The following CPNE4 variants were observed in gnomAD, a reference collection of about 807,000 sequenced individuals.
CPNE4 encodes the protein copine-4.
In CPNE4, 25 loss-of-function variants were observed where a neutral mutation model predicts 67.9. The ratio of observed to expected loss-of-function variants is 0.37; its 90% confidence interval spans 0.27 to 0.51. The LOEUF (loss-of-function observed/expected upper bound fraction) is 0.51, where lower values mean the gene tolerates loss of function less well. Ranked by LOEUF, CPNE4 falls within the 20% of genes least tolerant of loss-of-function variation. The probability of loss-of-function intolerance (pLI) is 0.93; values close to 1 mark genes in which losing one functional copy is unlikely to be tolerated. For missense variants in CPNE4, 464 were observed against 690.8 expected (o/e 0.67, Z 3.68); for synonymous variants, 242 against 244.9 (o/e 0.99, Z 0.11).
chr3:131,863,037 C>T (rs924103711), intron 2 of CPNE4, among the ~76,000 whole-genome samples: 9 of 151,738 alleles, frequency 5.9e-5, no homozygotes, highest in Non-Finnish European at 1.0e-4. Context: ...AAGACATGAA[C>T]TCATCATTTT....
intron 1 of CPNE4, among the ~76,000 whole-genome samples, chr3:131,908,064 C>T (rs2088838361): frequency 6.6e-6 from 1 of 152,106 alleles, no homozygotes; most frequent in African/African-American, 2.4e-5. Context: ...TTCTATCAGC[C>T]AGCCCAAAGC....
At chr3:131,583,139 A>G (rs886883875) in intron 8 of CPNE4, among the ~76,000 whole-genome samples, 1 of 152,172 alleles carries the variant, frequency 6.6e-6, no homozygotes, top group Non-Finnish European at 1.5e-5. Flanking sequence ...AGAAAGAAGA[A>G]AACATTCAAA....
intron 14 of CPNE4, 93 bp from the exon 15 acceptor site, chr3:131,542,886 C>T: frequency 4.8e-6 from 4 of 839,878 alleles, no homozygotes; most frequent in South Asian, 4.7e-5. Flanking sequence ...GGTGGCCTCA[C>T]TGCACATTGA....
intron 2 of CPNE4, among the ~76,000 whole-genome samples, chr3:131,807,894 T>G (rs930282935): frequency 2.0e-5 from 3 of 152,148 alleles, no homozygotes. Flanking sequence ...TGGTACATAA[T>G]AGAAGATATT....
At chr3:131,685,714 G>C (rs948249173) in intron 6 of CPNE4, among the ~76,000 whole-genome samples, 161 bp downstream of exon 6, 1 of 152,112 alleles carries the variant, frequency 6.6e-6, no homozygotes, top group Admixed American at 6.5e-5. Flanking sequence ...CTGGGAGGTG[G>C]CGGTTGCAGT....
At chr3:131,864,967 T>G (rs1487333169) in intron 2 of CPNE4, among the ~76,000 whole-genome samples, 2 of 152,172 alleles carry the variant, frequency 1.3e-5, no homozygotes, top group Non-Finnish European at 2.9e-5. Flanking sequence ...GAGATAATCG[T>G]GGTTTTCGTC....
intron 5 of CPNE4, among the ~76,000 whole-genome samples, chr3:131,689,175 T>C (rs1210974658): frequency 6.6e-6 from 1 of 152,166 alleles, no homozygotes; most frequent in Admixed American, 6.5e-5. Flanking sequence ...GGACAAAATA[T>C]TTAATTTCTC....
At chr3:131,691,816 G>T (rs1324241321) in intron 5 of CPNE4, among the ~76,000 whole-genome samples, 1 of 152,102 alleles carries the variant, frequency 6.6e-6, no homozygotes, top group African/African-American at 2.4e-5. Context: ...TATTAAGAAG[G>T]CATCTGATTC....
In CPNE4 at chr3:131,955,917, A is replaced by C. The variant is rs568651929; in HGVS notation, c.-1-50473T>G. Among the ~76,000 whole-genome samples, 22 of 152,250 alleles carry C rather than the reference A, an allele frequency of 1.4e-4. 1 individual carries two copies. The highest frequency in any genetic ancestry group is 4.1e-4 in the African/African-American group (17 of 41,566). On this transcript the variant is annotated intron_variant, in intron 1 of 15. Transcript: ENST00000429747. ...ATCTGTGCATCAGGCTCTGCTTTCCAGCAGATGCAGCCTAGGATACTCAGG... is the reference window on the plus strand; with the variant it reads ...ATCTGTGCATCAGGCTCTGCTTTCCCGCAGATGCAGCCTAGGATACTCAGG...
rs527818294 is a variant in CPNE4, at chr3:131,843,812, C to T, written c.180+61452G>A. 2.0e-5 allele frequency among the ~76,000 whole-genome samples: 3 copies of T among 152,270 alleles called. No individual in the cohort carries two copies. In the South Asian group the frequency reaches 6.2e-4, roughly 32 times the overall value. ...ACTCTAGGGGCCTTGTCCCCTTTAT[C>T]GGTGGGTCAAAATGTGCCCCTCTGT... On this transcript the variant is annotated intron_variant, in intron 2 of 15. Coordinates refer to ENST00000429747, the MANE Select transcript of CPNE4 (RefSeq NM_130808.3).
At chr3:131,566,219 T>C (rs574628157) in intron 10 of CPNE4, among the ~76,000 whole-genome samples, 1 of 151,982 alleles carries the variant, frequency 6.6e-6, no homozygotes, top group African/African-American at 2.4e-5. Flanking sequence ...ACCATGGCAA[T>C]TTGGGGAAGA....
At chr3:131,708,253 A>C (rs2081462348) in intron 3 of CPNE4, among the ~76,000 whole-genome samples, 2 of 152,086 alleles carry the variant, frequency 1.3e-5, no homozygotes, top group Admixed American at 1.3e-4. Flanking sequence ...TCCTGGGAAG[A>C]AGAAGGAGCT....
rs528827082 is a variant in CPNE4, at chr3:131,635,850, G to A, written c.681+33825C>T. ...TACTGCAGGCACTTTGGGAGGCCGA[G>A]GCGGGCGGATCACGAGGTCAGGAGA... On this transcript the variant is annotated intron_variant, in intron 7 of 15. Coordinates refer to ENST00000429747, the MANE Select transcript of CPNE4 (RefSeq NM_130808.3). Among the ~76,000 whole-genome samples, 3 of 83,830 alleles carry A rather than the reference G, an allele frequency of 3.6e-5. 1 individual carries two copies. The East Asian group carries it at 9.6e-4, about 27-fold the overall frequency. The allele number at this position is 83,830 out of a possible 152,430, so 55.0% of individuals were successfully genotyped here.
intron 2 of CPNE4, among the ~76,000 whole-genome samples, chr3:131,752,328 A>G (rs929430137): frequency 2.0e-5 from 3 of 152,078 alleles, no homozygotes; most frequent in Non-Finnish European, 4.4e-5. Context: ...GGCTAGAGTA[A>G]TTATTGTCTA....
At chr3:131,599,074 C>A (rs909832976) in intron 7 of CPNE4, among the ~76,000 whole-genome samples, 1 of 152,068 alleles carries the variant, frequency 6.6e-6, no homozygotes, top group East Asian at 1.9e-4. Flanking sequence ...AGCTCTTAGG[C>A]AAATACATAT....
chr3:131,973,990 C>G (rs558080329), intron 1 of CPNE4, among the ~76,000 whole-genome samples: 2 of 152,120 alleles, frequency 1.3e-5, no homozygotes, highest in Non-Finnish European at 2.9e-5. Flanking sequence ...AGTCCCAGAC[C>G]AGTTTCTTTG....
chr3:131,995,971 CAGTT>C (rs1291494434), intron 1 of CPNE4, among the ~76,000 whole-genome samples: 1 of 152,212 alleles, frequency 6.6e-6, no homozygotes, highest in Non-Finnish European at 1.5e-5. Flanking sequence ...ACATGCATCA[CAGTT>C]AGGACTCCAT....
chr3:131,949,002 G>A (rs2071641160), intron 1 of CPNE4, among the ~76,000 whole-genome samples: 1 of 152,174 alleles, frequency 6.6e-6, no homozygotes, highest in Admixed American at 6.5e-5. Context: ...TATGGTTCAG[G>A]TTGCATGACG....
At chr3:131,686,723 C>T (rs1419871718) in intron 5 of CPNE4, among the ~76,000 whole-genome samples, 1 of 152,178 alleles carries the variant, frequency 6.6e-6, no homozygotes, top group African/African-American at 2.4e-5. Flanking sequence ...TTGTGAGAAC[C>T]TCAAATGCTG....
Sources: allele counts gnomAD v4.1 joint callset (sites outside exome capture counted in the v4.1 genomes callset), GRCh38; gene constraint gnomAD v4.1.1; transcripts MANE v1.5; gene names NCBI Gene and HGNC (gene_info 2026-07-23, HGNC 2026-07-21).